The following THSD7A variants were observed in gnomAD, a reference collection of about 807,000 sequenced individuals.
THSD7A encodes the protein thrombospondin type 1 domain containing 7A.
Under a neutral mutation model 231.3 loss-of-function variants are expected in THSD7A, and 96 were observed. The ratio of observed to expected loss-of-function variants is 0.41; its 90% CI spans 0.35 to 0.49. The LOEUF is 0.49. THSD7A is among the 20% of genes least tolerant of loss of function. The probability of loss-of-function intolerance (pLI) is 0.05; values close to 1 mark genes in which losing one functional copy is unlikely to be tolerated. For synonymous variants in THSD7A, 940 were observed against 743.3 expected (o/e 1.26, Z -4.30); for missense variants, 2,290 against 2,070.2 (o/e 1.11, Z -2.06).
At position 11,371,666 on chromosome 7, in the gene THSD7A, A is replaced by G. The variant is rs1014719281; in HGVS notation, c.*4128T>C. The G allele has an allele frequency of 2.0e-5, 3 of 151,992 alleles. No individual in the cohort carries two copies. The highest frequency in any genetic ancestry group is 7.3e-5 in the African/African-American group (3 of 41,360). 9.4% of individuals were successfully genotyped at this position (151,992 alleles called of 1,614,324 possible). A position where few individuals can be genotyped will look rare whatever the true frequency, so the allele number is the denominator to read the frequency against. ...CTGTCTTGTGGTGTGGAATGTGAAC[A>G]AAGACTCGAGATGGAGGCAGGAGGA... On this transcript the variant is annotated 3_prime_UTR_variant, in exon 28 of 28. Transcript: ENST00000423059.
At chr7:11,790,126 A>C (rs1465368264) in intron 1 of THSD7A, among the ~76,000 whole-genome samples, 1 of 152,068 alleles carries the variant, frequency 6.6e-6, no homozygotes, top group African/African-American at 2.4e-5. Context: ...TATTAATTTC[A>C]AAAATCAGAG....
intron 1 of THSD7A, among the ~76,000 whole-genome samples, chr7:11,668,262 C>T (rs1010189129): frequency 1.2e-4 from 18 of 151,800 alleles, no homozygotes; most frequent in African/African-American, 4.1e-4. Flanking sequence ...AGTAAAAATA[C>T]AAAAAATTAG....
chr7:11,568,504 A>G (rs1192519814), intron 4 of THSD7A, among the ~76,000 whole-genome samples: 1 of 151,814 alleles, frequency 6.6e-6, no homozygotes, highest in Non-Finnish European at 1.5e-5. Flanking sequence ...AGGTGCCTGT[A>G]GTCCCAGCTA....
chr7:11,681,536 A>G (rs908165204), intron 1 of THSD7A, among the ~76,000 whole-genome samples: 1 of 152,090 alleles, frequency 6.6e-6, no homozygotes, highest in Non-Finnish European at 1.5e-5. Flanking sequence ...CCTATGAATC[A>G]TCCTATTCAG....
chr7:11,454,669 C>A (rs1785248086), intron 11 of THSD7A, among the ~76,000 whole-genome samples: 1 of 151,564 alleles, frequency 6.6e-6, no homozygotes, highest in Non-Finnish European at 1.5e-5. Flanking sequence ...TATTTTCTAC[C>A]ATACTAAGTT....
At chr7:11,546,200 G>GTGTGTGCGCGCGCA (rs1378231214) in intron 4 of THSD7A, among the ~76,000 whole-genome samples, 8 of 40,826 alleles carry the variant, frequency 2.0e-4, no homozygotes, top group African/African-American at 8.0e-4. Flanking sequence ...GTGTGGGCGC[G>GTGTGTGCGCGCGCA]CGCTCACACA....
At chr7:11,688,204 G>A (rs1009620776) in intron 1 of THSD7A, among the ~76,000 whole-genome samples, 6 of 151,634 alleles carry the variant, frequency 4.0e-5, no homozygotes, top group East Asian at 3.9e-4. Flanking sequence ...ACGGTTTCCC[G>A]CTTCAACCAC....
chr7:11,636,322 C>A lies in THSD7A; in HGVS notation c.830G>T (p.Arg277Leu). ...CTTTTCCCGTTCTTTATTCTTCCCG[C>A]GTCTCCTTGCTTGTCTTACTTGTCG... Reference protein sequence around the residue: ...HSRQVRQARRRGKNKEREKDR... With the variant: ...HSRQVRQARRLGKNKEREKDR... Residue 277 changes from arginine (R) to leucine (L), a missense_variant, in exon 2 of 28, where the codon CGC becomes CTC. Coordinates refer to ENST00000423059, the MANE Select transcript of THSD7A (RefSeq NM_015204.3). This position sits in a 1 kb window ranked among gnomAD's most constrained non-coding sequence, Gnocchi z 10.0. 1 of 1,613,920 alleles carries A rather than the reference C, an allele frequency of 6.2e-7. No homozygotes were observed.
intron 2 of THSD7A, among the ~76,000 whole-genome samples, chr7:11,615,314 T>C (rs1228639154): frequency 6.6e-6 from 1 of 152,174 alleles, no homozygotes; most frequent in Non-Finnish European, 1.5e-5. Flanking sequence ...GTTCTAAAGA[T>C]ATTGAACAGT....
rs1291283769 is a variant in THSD7A, at chr7:11,424,799, A to G, written c.3280T>C (p.Cys1094Arg). The G allele has an allele frequency of 6.2e-7, 1 of 1,614,012 alleles. No homozygotes were observed. The highest frequency in any genetic ancestry group is 2.2e-5 in the East Asian group (1 of 44,880). Residue 1094 changes from cysteine (C) to arginine (R), a missense_variant, in exon 16 of 28, where the codon TGC (cysteine) becomes CGC (arginine). Physicochemically the swap from Cys to Arg is radical, Grantham distance 180 (BLOSUM62 -3). Coordinates refer to ENST00000423059, the MANE Select transcript of THSD7A (RefSeq NM_015204.3). ...TCTGTGACCCATAGGTACTGGTTGC[A>G]GTCACTGTGGCATGGGACAACCTCA... The part of the protein sequence containing the change: ...VYEVVPCHSD[C>R]NQYLWVTEPW...
At chr7:11,777,924 C>T (rs1275792190) in intron 1 of THSD7A, among the ~76,000 whole-genome samples, 2 of 150,270 alleles carry the variant, frequency 1.3e-5, no homozygotes, top group Non-Finnish European at 3.0e-5. Flanking sequence ...CCGAGGCGGG[C>T]GGATCACGAG....
intron 11 of THSD7A, among the ~76,000 whole-genome samples, chr7:11,449,885 A>C (rs1785089701): frequency 6.6e-6 from 1 of 152,092 alleles, no homozygotes; most frequent in South Asian, 2.1e-4. Flanking sequence ...CAAGAGCCTC[A>C]AGAATGATAT....
intron 1 of THSD7A, among the ~76,000 whole-genome samples, chr7:11,741,303 C>T (rs1374225354): frequency 6.6e-6 from 1 of 151,822 alleles, no homozygotes; most frequent in Non-Finnish European, 1.5e-5. Flanking sequence ...AAATTTACTC[C>T]GTTTAAGAGA....
chr7:11,499,526 T>A (rs1448172055), intron 6 of THSD7A, among the ~76,000 whole-genome samples: 1 of 152,128 alleles, frequency 6.6e-6, no homozygotes, highest in Non-Finnish European at 1.5e-5. Context: ...ACAAAGATAC[T>A]GAGATTCAGG....
intron 1 of THSD7A, among the ~76,000 whole-genome samples, chr7:11,752,446 G>T (rs1211687333): frequency 6.6e-6 from 1 of 151,838 alleles, no homozygotes; most frequent in South Asian, 2.1e-4. Context: ...TCCTTTTTGG[G>T]CAATGCAAGA....
At position 11,372,145 on chromosome 7, in the gene THSD7A, G is replaced by A. The variant is rs1375483824; in HGVS notation, c.*3649C>T. ...GACCACTGCCACCTACCTGAGGGTG[G>A]GGCAGGGAAAAATCAAACTCCTAAT... On this transcript the variant is annotated 3_prime_UTR_variant, in exon 28 of 28. Coordinates refer to ENST00000423059, the MANE Select transcript of THSD7A (RefSeq NM_015204.3). 1 of 151,370 alleles carries A rather than the reference G, an allele frequency of 6.6e-6. No individual in the cohort carries two copies. The highest frequency in any genetic ancestry group is 2.5e-5 in the African/African-American group (1 of 40,814). 9.4% of individuals were successfully genotyped at this position (151,370 alleles called of 1,614,324 possible). A position where few individuals can be genotyped will look rare whatever the true frequency, so the allele number is the denominator to read the frequency against.
At chr7:11,418,078 C>A (rs1014371274) in intron 16 of THSD7A, among the ~76,000 whole-genome samples, 1 of 152,048 alleles carries the variant, frequency 6.6e-6, no homozygotes, top group Non-Finnish European at 1.5e-5. Flanking sequence ...GATGAGAGAC[C>A]AGGCACACTG....
chr7:11,664,616 G>A (rs1584172180), intron 1 of THSD7A, among the ~76,000 whole-genome samples: 1 of 151,960 alleles, frequency 6.6e-6, no homozygotes, highest in African/African-American at 2.4e-5. Flanking sequence ...TAATATCATT[G>A]TAATCAGCTT....
intron 1 of THSD7A, among the ~76,000 whole-genome samples, chr7:11,750,408 G>A (rs750149826): frequency 4.6e-5 from 7 of 151,842 alleles, no homozygotes; most frequent in Non-Finnish European, 7.4e-5. Flanking sequence ...GAAAGAATTC[G>A]TTCGAAAAAA....
Sources: gnomAD v4.1 joint callset for allele counts (sites outside exome capture counted in the v4.1 genomes callset) on GRCh38, gnomAD v4.1.1 for gene constraint, Gnocchi (gnomAD v3.1) non-coding constraint, MANE v1.5 for transcripts, NCBI Gene and HGNC (gene_info 2026-07-23, HGNC 2026-07-21) for gene names.